Variants in PDGFC observed in about 807,000 individuals in gnomAD.
PDGFC encodes the protein platelet-derived growth factor C.
In PDGFC, 12 loss-of-function variants were observed where a neutral mutation model predicts 35.5. The ratio of observed to expected loss-of-function variants is 0.34; its 90% CI spans 0.22 to 0.55. The LOEUF is 0.55. PDGFC is among the 20% of genes least tolerant of loss of function. The pLI is 0.91. For synonymous variants in PDGFC, 159 were observed against 148.8 expected, an observed-to-expected ratio of 1.07 and a Z score of -0.50; for missense variants, 322 against 412.4, an observed-to-expected ratio of 0.78 and a Z score of 1.90.
chr4:156,806,731 T>A (rs558632116), intron 3 of PDGFC, among the ~76,000 whole-genome samples: 3 of 152,096 alleles, frequency 2.0e-5, no homozygotes, highest in Non-Finnish European at 4.4e-5. Flanking sequence ...AAACTTTTAA[T>A]AAAGTCTTTT....
intron 1 of PDGFC, among the ~76,000 whole-genome samples, chr4:156,908,114 C>T (rs963905162): frequency 3.3e-5 from 5 of 152,070 alleles, no homozygotes; most frequent in African/African-American, 7.2e-5. Context: ...TGCAGTGAGC[C>T]GAGATCGTGC....
rs182502986 is a variant in PDGFC at position 156,823,940 on chromosome 4, G to A, written c.315-12923C>T. ...ATGTTTCATTCATGACAACATGAAC[G>A]GAACAGGACATTATGCAAGGTGCAA... On this transcript the variant is annotated intron_variant, in intron 2 of 5. Coordinates refer to ENST00000502773, the MANE Select transcript of PDGFC (RefSeq NM_016205.3). Among the ~76,000 whole-genome samples the A allele has an allele frequency of 2.9e-4, 44 of 152,124 alleles. No individual in the cohort carries two copies. The East Asian group carries it at 7.8e-3, about 27-fold the overall frequency.
At chr4:156,961,083 C>A (rs1732332178) in intron 1 of PDGFC, among the ~76,000 whole-genome samples, 1 of 152,010 alleles carries the variant, frequency 6.6e-6, no homozygotes, top group East Asian at 1.9e-4. Context: ...GCAAATGTTT[C>A]TTCTTAGCAC....
intron 1 of PDGFC, among the ~76,000 whole-genome samples, chr4:156,952,317 C>T (rs938609978): frequency 6.6e-6 from 1 of 151,792 alleles, no homozygotes; most frequent in African/African-American, 2.4e-5. Context: ...AATGATACTG[C>T]CAAGTTTCTT....
chr4:156,932,683 G>A (rs1382572813), intron 1 of PDGFC, among the ~76,000 whole-genome samples: 4 of 147,348 alleles, frequency 2.7e-5, no homozygotes, highest in Non-Finnish European at 5.9e-5. Context: ...ACTCACAGGT[G>A]GGAATTGAAC....
Position 156,927,282 on chromosome 4 carries a change from C to T in PDGFC, c.118+43504G>A, listed in dbSNP as rs149601814. ...CTGCCATGAAGACCTATGACATGCC[C>T]TGGAGACATTTTTCCCATTGTCTTA... On this transcript the variant is annotated intron_variant, in intron 1 of 5. Coordinates refer to ENST00000502773, the MANE Select transcript of PDGFC (RefSeq NM_016205.3). Among the ~76,000 whole-genome samples the T allele has an allele frequency of 4.2e-3, 633 of 152,262 alleles. 21 individuals are homozygous for T. The East Asian group carries it at 0.093, about 22-fold the overall frequency.
chr4:156,834,326 C>A (rs1468749391), intron 2 of PDGFC, among the ~76,000 whole-genome samples: 1 of 152,088 alleles, frequency 6.6e-6, no homozygotes, highest in Non-Finnish European at 1.5e-5. Flanking sequence ...TGCAATTTGA[C>A]ATTTTTTTCT....
chr4:156,860,389 GAACA>G (rs1249155414), intron 1 of PDGFC, among the ~76,000 whole-genome samples: 1 of 152,042 alleles, frequency 6.6e-6, no homozygotes, highest in African/African-American at 2.4e-5. Flanking sequence ...TCGAGCAAGT[GAACA>G]GACATGTTGG....
intron 1 of PDGFC, among the ~76,000 whole-genome samples, chr4:156,871,551 C>T (rs1729983988): frequency 6.6e-6 from 1 of 152,020 alleles, no homozygotes; most frequent in Non-Finnish European, 1.5e-5. Context: ...AAGCCTTCAA[C>T]AATTTTTGCT....
chr4:156,875,525 A>C (rs1385871611), intron 1 of PDGFC, among the ~76,000 whole-genome samples: 1 of 152,218 alleles, frequency 6.6e-6, no homozygotes, highest in Non-Finnish European at 1.5e-5. Flanking sequence ...CAAGCAAGGT[A>C]AATAGTAAAA....
Position 156,929,610 on chromosome 4 carries a change from C to T in PDGFC, c.118+41176G>A, listed in dbSNP as rs76162710. 5.4e-3 allele frequency among the ~76,000 whole-genome samples: 817 copies of T among 152,230 alleles called. 7 individuals carry two copies. The highest frequency in any genetic ancestry group is 0.019 in the African/African-American group (771 of 41,540). On this transcript the variant is annotated intron_variant, in intron 1 of 5. Coordinates refer to ENST00000502773, the MANE Select transcript of PDGFC (RefSeq NM_016205.3). ...AACACAAAAGAGTTATCCAAAGAGA[C>T]AAAATCTTTCCTCTTCCCCTCTTCT... is the stretch of plus-strand genomic sequence containing the variant.
intron 1 of PDGFC, among the ~76,000 whole-genome samples, chr4:156,878,091 A>T (rs1730157478): frequency 6.6e-6 from 1 of 152,224 alleles, no homozygotes; most frequent in Admixed American, 6.5e-5. Context: ...GGCATGGCAC[A>T]TGGAAAGCAC....
intron 1 of PDGFC, among the ~76,000 whole-genome samples, chr4:156,958,190 T>C (rs1256864350): frequency 6.6e-6 from 1 of 151,962 alleles, no homozygotes; most frequent in Non-Finnish European, 1.5e-5. Flanking sequence ...TCTTTGCATT[T>C]TCCACAATGC....
At chr4:156,926,197 T>C (rs758475347) in intron 1 of PDGFC, among the ~76,000 whole-genome samples, 1 of 152,128 alleles carries the variant, frequency 6.6e-6, no homozygotes, top group African/African-American at 2.4e-5. Context: ...GCTTATTTAA[T>C]ATCAAATCAA....
At chr4:156,884,982 A>G (rs11726510) in intron 1 of PDGFC, among the ~76,000 whole-genome samples, 16,704 of 152,226 alleles carry the variant, frequency 0.11, 1,165 homozygotes, top group South Asian at 0.42. Flanking sequence ...AAACTCAATT[A>G]TTACATAGGT....
chr4:156,876,541 G>A (rs1579071720), intron 1 of PDGFC: 1 of 152,278 alleles, frequency 6.6e-6, no homozygotes, highest in Admixed American at 6.5e-5. Context: ...AAATACACAT[G>A]ACTGCAGGGG....
intron 1 of PDGFC, among the ~76,000 whole-genome samples, chr4:156,895,495 T>G (rs1471061147): frequency 6.6e-6 from 1 of 151,410 alleles, no homozygotes; most frequent in Non-Finnish European, 1.5e-5. Context: ...AGCCGGGTGT[T>G]GTGGTGGGTG....
chr4:156,886,120 G>C (rs1283986769), intron 1 of PDGFC, among the ~76,000 whole-genome samples: 1 of 152,152 alleles, frequency 6.6e-6, no homozygotes, highest in Admixed American at 6.5e-5. Flanking sequence ...AATAACACTT[G>C]AGAGAGGGCA....
intron 1 of PDGFC, among the ~76,000 whole-genome samples, chr4:156,924,358 T>C (rs978987515): frequency 2.6e-5 from 4 of 152,340 alleles, no homozygotes; most frequent in Non-Finnish European, 4.4e-5. Flanking sequence ...CTTTTAGTTA[T>C]TGGACATACT....
Sources: gnomAD v4.1 joint callset for allele counts (sites outside exome capture counted in the v4.1 genomes callset) on GRCh38, gnomAD v4.1.1 for gene constraint, MANE v1.5 for transcripts, NCBI Gene and HGNC (gene_info 2026-07-23, HGNC 2026-07-21) for gene names.